FSD1: variants seen among roughly 807,000 people sequenced by gnomAD.
FSD1 encodes the protein fibronectin type III and SPRY domain containing 1, also known as fibronectin type III and SPRY domain-containing protein 1.
Under a neutral mutation model 58.2 loss-of-function variants are expected in FSD1, and 23 were observed. The ratio of observed to expected loss-of-function variants is 0.40; its 90% confidence interval spans 0.28 to 0.56. The LOEUF is 0.56. Among genes scored for constraint, FSD1 ranks in the 20% least tolerant of loss-of-function variants. FSD1 has a pLI of 0.54. For missense variants in FSD1, 563 were observed against 670.8 expected (o/e 0.84, Z 1.78); for synonymous variants, 265 against 263.4 (o/e 1.01, Z -0.06).
chr19:4,314,869 C>T (rs549697293), intron 7 of FSD1, among the ~76,000 whole-genome samples: 1 of 152,326 alleles, frequency 6.6e-6, no homozygotes, highest in East Asian at 1.9e-4. Context: ...ACCAACACCA[C>T]GGTCAAAGTA....
intron 6 of FSD1, chr19:4,310,898 C>G: frequency 3.7e-6 from 1 of 268,430 alleles, no homozygotes; most frequent in Non-Finnish European, 7.2e-6. Flanking sequence ...TCATGAGGCC[C>G]CGCCCTGGGG....
At chr19:4,314,945 G>T (rs1443042508) in intron 7 of FSD1, among the ~76,000 whole-genome samples, 1 of 152,188 alleles carries the variant, frequency 6.6e-6, no homozygotes, top group Non-Finnish European at 1.5e-5. Context: ...TCCTGCCTTT[G>T]ACAGACTTCC....
At chr19:4,312,615 A>C (rs923554688) in intron 7 of FSD1, among the ~76,000 whole-genome samples, 1 of 151,848 alleles carries the variant, frequency 6.6e-6, no homozygotes, top group African/African-American at 2.4e-5. Flanking sequence ...CATCCTGGCT[A>C]ACACGGTGAA....
intron 7 of FSD1, among the ~76,000 whole-genome samples, chr19:4,313,485 T>A (rs1290931975): frequency 6.6e-6 from 1 of 151,588 alleles, no homozygotes; most frequent in East Asian, 1.9e-4. Context: ...TTTGGGAGGC[T>A]TAGGCGGGCG....
Position 4,323,003 on chromosome 19 carries a change from G to C in FSD1, c.1057G>C (p.Gly353Arg). Residue 353 changes from glycine to arginine, a missense_variant, in exon 11 of 13, where the codon GGC becomes CGC. Gly to Arg is a moderately radical substitution (Grantham distance 125, BLOSUM62 -2). Coordinates refer to ENST00000221856, the MANE Select transcript of FSD1 (RefSeq NM_024333.3). The surrounding 1 kb of genome is among the most constrained non-coding windows in gnomAD (Gnocchi z 7.7). The part of the protein sequence containing the change: ...YTVLGDTLID[G>R]GEHYWEVRYE... ...CGCCACAGGGGACACGCTGATCGAC[G>C]GCGGGGAGCATTACTGGGAGGTGCG... 5.0e-6 allele frequency: 8 copies of C among 1,611,054 alleles called. No individual in the cohort carries two copies. Among genetic ancestry groups the C allele is most frequent in the Non-Finnish European group, 6.8e-6 (8 of 1,178,936 alleles).
chr19:4,319,091 G>A, intron 10 of FSD1, 140 bp downstream of exon 10: 1 of 680,820 alleles, frequency 1.5e-6, no homozygotes, highest in Non-Finnish European at 2.7e-6. Flanking sequence ...GGTTGTTCTG[G>A]CACTGCCCAA....
At chr19:4,304,800 C>CCCCGGGGGGGGGGGG in intron 1 of FSD1, 39 bp downstream of exon 1, 1 of 149,240 alleles carries the variant, frequency 6.7e-6, no homozygotes. Context: ...GCAGGGGCGT[C>CCCCGGGGGGGGGGGG]GGGGGCGGGG....
intron 10 of FSD1, among the ~76,000 whole-genome samples, chr19:4,320,816 G>T (rs1272148714): frequency 6.6e-6 from 1 of 151,072 alleles, no homozygotes; most frequent in East Asian, 2.0e-4. Flanking sequence ...TGGGACTGAG[G>T]AGTATCTGGG....
At position 4,306,053 on chromosome 19, in the gene FSD1, G is replaced by T. The variant is rs775552052; in HGVS notation, c.111+12G>T. On this transcript the variant is annotated intron_variant, in intron 2 of 12. Transcript: ENST00000221856. ...TGCTGAACGTGGAGGTGAAGGCGGT[G>T]GGGCAGTCCTGGGGAGGTAAGGGGA... 2.5e-6 allele frequency: 4 copies of T among 1,612,456 alleles called. No homozygotes were observed. Among genetic ancestry groups the T allele is most frequent in the Non-Finnish European group, 3.4e-6 (4 of 1,178,480 alleles).
chr19:4,306,987 A>G (rs1971629674), intron 3 of FSD1, among the ~76,000 whole-genome samples: 1 of 152,214 alleles, frequency 6.6e-6, no homozygotes, highest in Non-Finnish European at 1.5e-5. Context: ...ACTTCCTGAC[A>G]TCCCAGATTC....
chr19:4,314,005 G>A (rs1432787125), intron 7 of FSD1, among the ~76,000 whole-genome samples: 1 of 151,414 alleles, frequency 6.6e-6, no homozygotes, highest in Non-Finnish European at 1.5e-5. Flanking sequence ...TCCAGCTTGG[G>A]CAACAGAGGG....
Position 4,307,381 on chromosome 19 carries a change from T to C in FSD1, c.244-501T>C, listed in dbSNP as rs1971634009. Reference sequence around the variant, plus strand: ...CATGTGAGTTTTTTTTGTTTTGTTTTGTTTTTGAGATGGAGTCTCTCTCTG... The same window carrying C: ...CATGTGAGTTTTTTTTGTTTTGTTTCGTTTTTGAGATGGAGTCTCTCTCTG... On this transcript the variant is annotated intron_variant, in intron 3 of 12. Transcript: ENST00000221856. Among the ~76,000 whole-genome samples the C allele has an allele frequency of 2.0e-5, 3 of 151,652 alleles. No individual in the cohort carries two copies. The South Asian group carries it at 6.2e-4, about 32-fold the overall frequency.
intron 3 of FSD1, among the ~76,000 whole-genome samples, chr19:4,307,030 C>T (rs866090596): frequency 2.6e-5 from 4 of 152,204 alleles, no homozygotes; most frequent in African/African-American, 7.2e-5. Context: ...CCCTGGAGCT[C>T]GGATGTGGCC....
intron 10 of FSD1, among the ~76,000 whole-genome samples, chr19:4,319,758 G>A (rs1176521468): frequency 6.6e-6 from 1 of 151,984 alleles, no homozygotes; most frequent in African/African-American, 2.4e-5. Context: ...ATCATCCTTG[G>A]GAAAGGACCT....
intron 10 of FSD1, among the ~76,000 whole-genome samples, chr19:4,320,203 C>T (rs1162403371): frequency 5.9e-5 from 9 of 151,874 alleles, no homozygotes; most frequent in South Asian, 4.2e-4. Flanking sequence ...CTGCCTTCCA[C>T]GTGGAGTTGG....
chr19:4,305,363 A>T (rs759402495), intron 1 of FSD1, among the ~76,000 whole-genome samples: 5 of 150,510 alleles, frequency 3.3e-5, no homozygotes, highest in Admixed American at 6.6e-5. Flanking sequence ...GCTAGCCCCT[A>T]TCCCAGGCTA....
chr19:4,314,414 A>G (rs992592160), intron 7 of FSD1, among the ~76,000 whole-genome samples: 11 of 152,186 alleles, frequency 7.2e-5, no homozygotes, highest in Non-Finnish European at 2.9e-5. Flanking sequence ...CTAAAACAAA[A>G]AGTACAGTGA....
intron 1 of FSD1, among the ~76,000 whole-genome samples, chr19:4,305,071 C>G (rs1289292044): frequency 7.1e-6 from 1 of 141,476 alleles, no homozygotes; most frequent in African/African-American, 2.6e-5. Context: ...GCGTCCCGGC[C>G]CCCCGCCCCA....
intron 4 of FSD1, among the ~76,000 whole-genome samples, chr19:4,308,827 C>T (rs1261067283): frequency 6.6e-6 from 1 of 151,610 alleles, no homozygotes; most frequent in Non-Finnish European, 1.5e-5. Context: ...CACCGCACTC[C>T]AGCCTGGGCA....
Sources: allele counts gnomAD v4.1 joint callset (sites outside exome capture counted in the v4.1 genomes callset), GRCh38; gene constraint gnomAD v4.1.1; non-coding constraint Gnocchi (gnomAD v3.1); transcripts MANE v1.5; gene names NCBI Gene and HGNC (gene_info 2026-07-23, HGNC 2026-07-21).